Variants in CSNK2A1 observed in about 807,000 individuals in gnomAD.
CSNK2A1 encodes the protein casein kinase 2 alpha 1, also known as casein kinase II subunit alpha.
Under a neutral mutation model 62.9 loss-of-function variants are expected in CSNK2A1, and 10 were observed. The observed-to-expected ratio is 0.16, with a 90% CI of 0.10 to 0.27. CSNK2A1 has a LOEUF of 0.27. CSNK2A1 is among the 10% of genes least tolerant of loss of function. The pLI is 1.00. For synonymous variants in CSNK2A1, 124 were observed against 167.8 expected (o/e 0.74, Z 2.02); for missense variants, 160 against 492.0 (o/e 0.33, Z 6.38).
chr20:486,530 G>T, intron 12 of CSNK2A1, 68 bp from the exon 13 acceptor site: 1 of 1,554,750 alleles, frequency 6.4e-7, no homozygotes, highest in Non-Finnish European at 8.8e-7. Context: ...CTGGAAGCCT[G>T]AAAGCAGCCA....
In CSNK2A1 at chr20:478,662, C is replaced by T. The variant is rs573587694; in HGVS notation, c.*5299G>A. The T allele has an allele frequency of 2.3e-6, 1 of 432,348 alleles. No homozygotes were observed. The highest frequency in any genetic ancestry group is 4.6e-6 in the Non-Finnish European group (1 of 216,942). 26.8% of individuals were successfully genotyped at this position (432,348 alleles called of 1,614,324 possible). A position where few individuals can be genotyped will look rare whatever the true frequency, so the allele number is the denominator to read the frequency against. On this transcript the variant is annotated 3_prime_UTR_variant, in exon 14 of 14. Coordinates refer to ENST00000217244, the MANE Select transcript of CSNK2A1 (RefSeq NM_177559.3). ...ATCCCTAGTGGGCCAGGTGTGGTGG[C>T]TCATGCCTCTAATCTCAGCACTTTG...
intron 10 of CSNK2A1, chr20:489,401 G>T (rs531122929): frequency 5.1e-5 from 14 of 273,684 alleles, no homozygotes; most frequent in African/African-American, 1.7e-4. Flanking sequence ...GGGGGAAGTG[G>T]AGTTAGTTTA....
intron 2 of CSNK2A1, among the ~76,000 whole-genome samples, chr20:515,211 G>A (rs966498501): frequency 7.9e-5 from 12 of 152,186 alleles, no homozygotes; most frequent in African/African-American, 2.9e-4. Context: ...AATTTATGGT[G>A]TAAAATCAAT....
chr20:524,166 G>A (rs2019015772), intron 2 of CSNK2A1, among the ~76,000 whole-genome samples: 1 of 152,030 alleles, frequency 6.6e-6, no homozygotes, highest in Admixed American at 6.6e-5. Flanking sequence ...GCTCACGCCT[G>A]TAATCCCAGC....
At position 499,534 on chromosome 20, in the gene CSNK2A1, G is replaced by A. The variant is rs1351369869; in HGVS notation, c.316-229C>T. ...GGAGCTGAAGTCTCACCAGGCTCTA[G>A]GCAGCCCGACAATGCGCCCATCGCC... is the stretch of plus-strand genomic sequence containing the variant. On this transcript the variant is annotated intron_variant, in intron 5 of 13. Transcript: ENST00000217244. This position sits in a 1 kb window ranked among gnomAD's most constrained non-coding sequence, Gnocchi z 4.2. 1 of 555,888 alleles carries A rather than the reference G, an allele frequency of 1.8e-6. No homozygotes were observed. Among genetic ancestry groups the A allele is most frequent in the African/African-American group, 1.9e-5 (1 of 53,152 alleles). The allele number at this position is 555,888 out of a possible 1,614,324, so 34.4% of individuals were successfully genotyped here.
intron 3 of CSNK2A1, 121 bp from the exon 4 acceptor site, chr20:505,350 GGT>G: frequency 5.1e-6 from 2 of 390,572 alleles, no homozygotes; most frequent in Non-Finnish European, 9.0e-6. Flanking sequence ...TTCCCAAATA[GGT>G]TTTTTTTTTT....
At chr20:497,947 C>G (rs1213819598) in intron 6 of CSNK2A1, 167 bp from the exon 7 acceptor site, 18 of 574,628 alleles carry the variant, frequency 3.1e-5, no homozygotes, top group Non-Finnish European at 4.9e-5. Context: ...TAAAGAGATA[C>G]TTTGGGTCTT....
intron 8 of CSNK2A1, among the ~76,000 whole-genome samples, chr20:493,753 C>T (rs1489801053): frequency 6.6e-6 from 1 of 152,200 alleles, no homozygotes; most frequent in Non-Finnish European, 1.5e-5. Flanking sequence ...TGTTCCATCA[C>T]CACACACATG....
chr20:540,595 T>A (rs2019429864), intron 1 of CSNK2A1, among the ~76,000 whole-genome samples: 1 of 152,146 alleles, frequency 6.6e-6, no homozygotes, highest in African/African-American at 2.4e-5. Context: ...AGTGCAGTGG[T>A]GCCATTACCG....
intron 4 of CSNK2A1, chr20:503,618 G>A (rs1322661336): frequency 2.5e-6 from 1 of 398,424 alleles, no homozygotes; most frequent in Non-Finnish European, 4.4e-6. Context: ...TCCTCGTGAT[G>A]GATTGTGTTA....
intron 2 of CSNK2A1, among the ~76,000 whole-genome samples, chr20:522,985 T>C (rs1395409420): frequency 1.3e-5 from 2 of 152,168 alleles, no homozygotes; most frequent in East Asian, 1.9e-4. Flanking sequence ...CCCAGTTTCT[T>C]AGTGTTGATG....
At chr20:490,204 T>A (rs1490887272) in intron 9 of CSNK2A1, among the ~76,000 whole-genome samples, 1 of 151,432 alleles carries the variant, frequency 6.6e-6, no homozygotes, top group Non-Finnish European at 1.5e-5. Flanking sequence ...GCTAATTTTG[T>A]ATTTTTAGTA....
chr20:520,485 C>CAT (rs1017692340), intron 2 of CSNK2A1, among the ~76,000 whole-genome samples: 8 of 151,826 alleles, frequency 5.3e-5, no homozygotes, highest in Admixed American at 4.6e-4. Flanking sequence ...GACATATATA[C>CAT]ATATATATAT....
At chr20:495,653 AGT>A in intron 8 of CSNK2A1, 64 bp downstream of exon 8, 2 of 1,355,528 alleles carry the variant, frequency 1.5e-6, no homozygotes, top group Non-Finnish European at 2.1e-6. Context: ...CAAGGGATAA[AGT>A]GTTGAAGATG....
At chr20:518,765 C>T (rs1434534721) in intron 2 of CSNK2A1, among the ~76,000 whole-genome samples, 4 of 144,784 alleles carry the variant, frequency 2.8e-5, no homozygotes, top group African/African-American at 1.0e-4. Context: ...CCGTGTTAGC[C>T]AGGACGGTCT....
intron 2 of CSNK2A1, among the ~76,000 whole-genome samples, chr20:522,890 G>A (rs1246992620): frequency 6.6e-6 from 1 of 151,976 alleles, no homozygotes; most frequent in Non-Finnish European, 1.5e-5. Flanking sequence ...GAACCAGGTT[G>A]GTCTCAAACG....
intron 2 of CSNK2A1, among the ~76,000 whole-genome samples, chr20:509,253 T>A (rs1487000251): frequency 6.6e-6 from 1 of 152,224 alleles, no homozygotes; most frequent in African/African-American, 2.4e-5. Context: ...AAGACACACT[T>A]GGTTTCATTA....
At chr20:528,630 G>T (rs954179746) in intron 1 of CSNK2A1, among the ~76,000 whole-genome samples, 1 of 150,494 alleles carries the variant, frequency 6.6e-6, no homozygotes, top group Non-Finnish European at 1.5e-5. Flanking sequence ...TTTTTTCTGA[G>T]ATGTCTTTTG....
rs1438759862 is a variant in CSNK2A1 at position 520,517 on chromosome 20, C to T, written c.-110+7416G>A. 7.2e-5 allele frequency among the ~76,000 whole-genome samples: 11 copies of T among 151,766 alleles called. No homozygotes were observed. In the South Asian group the frequency reaches 1.5e-3, roughly 20 times the overall value. Reference sequence around the variant, plus strand: ...ATATAAATATATTATGTATTTTTTTCGAGATAGGGTCTGCCTCTGGTGCCC... The same window carrying T: ...ATATAAATATATTATGTATTTTTTTTGAGATAGGGTCTGCCTCTGGTGCCC... On this transcript the variant is annotated intron_variant, in intron 2 of 13. Coordinates refer to ENST00000217244, the MANE Select transcript of CSNK2A1 (RefSeq NM_177559.3).
Sources: allele counts gnomAD v4.1 joint callset (sites outside exome capture counted in the v4.1 genomes callset), GRCh38; gene constraint gnomAD v4.1.1; non-coding constraint Gnocchi (gnomAD v3.1); transcripts MANE v1.5; gene names NCBI Gene and HGNC (gene_info 2026-07-23, HGNC 2026-07-21).